CCDC126: variants seen among roughly 807,000 people sequenced by gnomAD.
CCDC126 encodes the protein coiled-coil domain containing 126.
CCDC126 carries 5 observed loss-of-function variants against 11.7 expected under a neutral mutation model. That is an observed-to-expected ratio of 0.43 (90% CI 0.22 to 0.90). CCDC126 has a LOEUF of 0.90. CCDC126 is among the 40% of genes least tolerant of loss of function. The pLI, the probability that CCDC126 is intolerant of heterozygous loss-of-function variation, is 0.27. For synonymous variants in CCDC126, 60 were observed against 61.9 expected, an observed-to-expected ratio of 0.97 and a Z score of 0.14; for missense variants, 150 against 163.1, an observed-to-expected ratio of 0.92 and a Z score of 0.44.
chr7:23,620,637 A>G (rs1236685288), intron 3 of CCDC126, among the ~76,000 whole-genome samples: 3 of 151,906 alleles, frequency 2.0e-5, no homozygotes, highest in African/African-American at 7.2e-5. Flanking sequence ...GGTGTTTTAG[A>G]CATGAAGTCC....
chr7:23,628,439 C>CT lies in CCDC126; in HGVS notation c.239-14491dup, dbSNP rs201549427. Among the ~76,000 whole-genome samples, 1,284 of 152,272 alleles carry CT rather than the reference C, an allele frequency of 8.4e-3. 7 individuals carry two copies. Among genetic ancestry groups the CT allele is most frequent in the Non-Finnish European group, 0.013 (913 of 68,008 alleles). Reference sequence around the variant, plus strand: ...TTCTCTCTAGCCAAGAAAAGGCAGCCTAGCAAGCTAGAAAACTTGTAGTCA... The same window carrying CT: ...TTCTCTCTAGCCAAGAAAAGGCAGCCTTAGCAAGCTAGAAAACTTGTAGTCA... On this transcript the variant is annotated intron_variant, in intron 3 of 3. Transcript: ENST00000307471.
intron 3 of CCDC126, chr7:23,622,763 C>G (rs560360311): frequency 2.2e-4 from 112 of 507,958 alleles, no homozygotes; most frequent in Middle Eastern, 2.1e-3. Flanking sequence ...CTGTCATGTA[C>G]ATTTCTAACC....
rs367644977 is a variant in CCDC126 at position 23,607,690 on chromosome 7, ATTGTTTCCTCT to A, written c.-145-3479_-145-3469del. On this transcript the variant is annotated intron_variant, in intron 2 of 3. Coordinates refer to ENST00000307471, the MANE Select transcript of CCDC126 (RefSeq NM_138771.4). ...GGAGAATAAAGTAATACCAGTGGAA[ATTGTTTCCTCT>A]TCACTTTACTTCTACTTTTGCCTTA... is the stretch of plus-strand genomic sequence containing the variant. 2.2e-3 allele frequency among the ~76,000 whole-genome samples: 340 copies of A among 152,268 alleles called. 2 individuals carry two copies. The highest frequency in any genetic ancestry group is 7.8e-3 in the African/African-American group (324 of 41,542).
intron 3 of CCDC126, among the ~76,000 whole-genome samples, chr7:23,633,802 G>A (rs1024978479): frequency 1.3e-5 from 2 of 151,966 alleles, no homozygotes; most frequent in African/African-American, 4.8e-5. Flanking sequence ...GCAATGAGCC[G>A]AGATTGTACC....
chr7:23,629,854 A>G (rs1461783659), intron 3 of CCDC126, among the ~76,000 whole-genome samples: 13 of 152,084 alleles, frequency 8.5e-5, no homozygotes, highest in Non-Finnish European at 1.5e-5. Flanking sequence ...CTAAAAATCT[A>G]ACATTTGTGT....
rs749611363 is a variant in CCDC126 at position 23,644,159 on chromosome 7, T to G, written c.*1044T>G. 1 of 152,074 alleles carries G rather than the reference T, an allele frequency of 6.6e-6. No individual in the cohort carries two copies. Among genetic ancestry groups the G allele is most frequent in the Non-Finnish European group, 1.5e-5 (1 of 67,938 alleles). 9.4% of individuals were successfully genotyped at this position (152,074 alleles called of 1,614,324 possible). On this transcript the variant is annotated 3_prime_UTR_variant, in exon 4 of 4. Coordinates refer to ENST00000307471, the MANE Select transcript of CCDC126 (RefSeq NM_138771.4). ...TGAAATTTTGAATTTGTATAACAGA[T>G]GCATTAGATATTCATTTTATATAAT... is the stretch of plus-strand genomic sequence containing the variant.
At chr7:23,607,466 TCTTTC>T (rs982107690) in intron 2 of CCDC126, among the ~76,000 whole-genome samples, 17 of 152,250 alleles carry the variant, frequency 1.1e-4, no homozygotes, top group African/African-American at 3.6e-4. Context: ...GGACATTGAA[TCTTTC>T]CTTTCCTTTT....
At chr7:23,630,783 G>A (rs2128020439) in intron 3 of CCDC126, among the ~76,000 whole-genome samples, 1 of 146,318 alleles carries the variant, frequency 6.8e-6, no homozygotes, top group Middle Eastern at 3.6e-3. Flanking sequence ...ACCTTGTTCT[G>A]GGCCATAAAA....
chr7:23,632,595 A>G (rs1480448532), intron 3 of CCDC126, among the ~76,000 whole-genome samples: 2 of 152,236 alleles, frequency 1.3e-5, no homozygotes, highest in Non-Finnish European at 2.9e-5. Context: ...GTGATATTGT[A>G]TACAGTTTTG....
At chr7:23,637,534 G>C (rs1269250019) in intron 3 of CCDC126, among the ~76,000 whole-genome samples, 1 of 52,760 alleles carries the variant, frequency 1.9e-5, no homozygotes, top group Non-Finnish European at 3.6e-5. Flanking sequence ...GAGGTGGGGG[G>C]ATCAGCCCCC....
At position 23,643,621 on chromosome 7, in the gene CCDC126, T is replaced by C. The variant is rs553325948; in HGVS notation, c.*506T>C. ...CAATTATGAGCAGAGAAAGGAAATA[T>C]AATGTTGAAAATAATGTTTTGAAAT... On this transcript the variant is annotated 3_prime_UTR_variant, in exon 4 of 4. Coordinates refer to ENST00000307471, the MANE Select transcript of CCDC126 (RefSeq NM_138771.4). 6.5e-6 allele frequency: 1 copy of C among 152,832 alleles called. No individual in the cohort carries two copies. Among genetic ancestry groups the C allele is most frequent in the Admixed American group, 6.5e-5 (1 of 15,298 alleles). The allele number at this position is 152,832 out of a possible 1,614,324, so 9.5% of individuals were successfully genotyped here. A position where few individuals can be genotyped will look rare whatever the true frequency, so the allele number is the denominator to read the frequency against.
chr7:23,632,273 T>A (rs1053165504), intron 3 of CCDC126, among the ~76,000 whole-genome samples: 5 of 152,144 alleles, frequency 3.3e-5, no homozygotes, highest in Non-Finnish European at 7.4e-5. Context: ...TTTTGTATTT[T>A]TAGTAAAGAC....
At chr7:23,606,559 A>G (rs1190611352) in intron 2 of CCDC126, among the ~76,000 whole-genome samples, 3 of 152,126 alleles carry the variant, frequency 2.0e-5, no homozygotes, top group Non-Finnish European at 4.4e-5. Context: ...AGGTGGTGAT[A>G]GTTGGATCAC....
chr7:23,613,572 TTCTTTCTCACTTA>T (rs1214636727), intron 3 of CCDC126, among the ~76,000 whole-genome samples: 1 of 152,220 alleles, frequency 6.6e-6, no homozygotes, highest in Non-Finnish European at 1.5e-5. Flanking sequence ...GAGTTTAGCT[TTCTTTCTCACTTA>T]AAAATGCATT....
intron 3 of CCDC126, among the ~76,000 whole-genome samples, chr7:23,629,425 G>C (rs1433491385): frequency 6.6e-6 from 1 of 152,214 alleles, no homozygotes; most frequent in Non-Finnish European, 1.5e-5. Flanking sequence ...AGAACTGTGA[G>C]AAATCAATTT....
intron 2 of CCDC126, 38 bp from the exon 3 acceptor site, chr7:23,611,133 G>T (rs1161918503): frequency 1.8e-6 from 1 of 543,698 alleles, no homozygotes; most frequent in Non-Finnish European, 3.3e-6. Context: ...TACTGATACA[G>T]ATTAAGACTA....
At position 23,627,172 on chromosome 7, in the gene CCDC126, T is replaced by G. The variant is rs556217492; in HGVS notation, c.238+15619T>G. Among the ~76,000 whole-genome samples the G allele has an allele frequency of 2.0e-5, 3 of 152,302 alleles. No individual in the cohort carries two copies. The South Asian group carries it at 6.2e-4, about 32-fold the overall frequency. On this transcript the variant is annotated intron_variant, in intron 3 of 3. Coordinates refer to ENST00000307471, the MANE Select transcript of CCDC126 (RefSeq NM_138771.4). ...CTTTCCGACTGACCCTGCTTTCTTT[T>G]AAGGGTTTTGGCTTTCCTCTTTATC...
At chr7:23,633,288 G>A (rs909202824) in intron 3 of CCDC126, among the ~76,000 whole-genome samples, 1 of 152,070 alleles carries the variant, frequency 6.6e-6, no homozygotes, top group Admixed American at 6.5e-5. Context: ...CACTGTGCCC[G>A]GCCCTGCCTT....
At chr7:23,631,279 CAT>C (rs1157112207) in intron 3 of CCDC126, among the ~76,000 whole-genome samples, 1 of 151,972 alleles carries the variant, frequency 6.6e-6, no homozygotes, top group Non-Finnish European at 1.5e-5. Flanking sequence ...AGAAAAAAGA[CAT>C]AAATTACCAA....
Sources: allele counts gnomAD v4.1 joint callset (sites outside exome capture counted in the v4.1 genomes callset), GRCh38; gene constraint gnomAD v4.1.1; transcripts MANE v1.5; gene names NCBI Gene and HGNC (gene_info 2026-07-23, HGNC 2026-07-21).